CTNNA2: variants seen among roughly 807,000 people sequenced by gnomAD.
CTNNA2 encodes catenin alpha 2, also known as catenin alpha-2.
A neutral mutation model predicts 101.0 loss-of-function variants in CTNNA2; 42 were observed. That is an observed-to-expected ratio of 0.42 (90% CI 0.32 to 0.54). CTNNA2 has a LOEUF of 0.54. CTNNA2 is among the 20% of genes least tolerant of loss of function. CTNNA2 has a pLI of 0.14. For missense variants in CTNNA2, 871 were observed against 1,223.1 expected (o/e 0.71, Z 4.29); for synonymous variants, 450 against 456.4 (o/e 0.99, Z 0.18).
intron 1 of CTNNA2, among the ~76,000 whole-genome samples, chr2:79,642,478 G>A (rs760041937): frequency 3.3e-5 from 5 of 152,162 alleles, no homozygotes; most frequent in Admixed American, 2.0e-4. Context: ...GCTTTGAATG[G>A]TTATTGTGTA....
chr2:79,438,825 T>C (rs1361134070), intron 4 of CTNNA2, among the ~76,000 whole-genome samples: 1 of 152,230 alleles, frequency 6.6e-6, no homozygotes, highest in Non-Finnish European at 1.5e-5. Context: ...AGATGCTCAG[T>C]ATCATTAGTC....
chr2:79,202,920 G>C (rs757384431), intron 2 of CTNNA2, among the ~76,000 whole-genome samples: 30 of 152,152 alleles, frequency 2.0e-4, no homozygotes, highest in Non-Finnish European at 4.0e-4. Flanking sequence ...AAAGAAGAGG[G>C]TCCTGAAGCA....
chr2:79,395,398 C>G (rs1220914671), intron 4 of CTNNA2, among the ~76,000 whole-genome samples: 2 of 151,996 alleles, frequency 1.3e-5, no homozygotes, highest in Non-Finnish European at 2.9e-5. Flanking sequence ...ACCCTCCCCC[C>G]AACCCACAAC....
chr2:79,640,328 T>C (rs1255965307), intron 1 of CTNNA2, among the ~76,000 whole-genome samples: 1 of 152,124 alleles, frequency 6.6e-6, no homozygotes, highest in Non-Finnish European at 1.5e-5. Context: ...GGAGGCATTG[T>C]GGGCTAACCT....
chr2:79,941,034 C>T (rs764055356), intron 7 of CTNNA2, among the ~76,000 whole-genome samples: 11 of 152,202 alleles, frequency 7.2e-5, no homozygotes, highest in Non-Finnish European at 1.5e-4. Flanking sequence ...AAGAAGCCTA[C>T]TGAGGGACTG....
intron 9 of CTNNA2, among the ~76,000 whole-genome samples, chr2:80,509,828 G>T (rs1266529866): frequency 6.6e-6 from 1 of 152,254 alleles, no homozygotes; most frequent in South Asian, 2.1e-4. Flanking sequence ...GGACTGGAAC[G>T]CAGGGCTCCT....
At chr2:79,342,452 C>G (rs1051827687) in intron 3 of CTNNA2, among the ~76,000 whole-genome samples, 10 of 152,126 alleles carry the variant, frequency 6.6e-5, no homozygotes, top group Non-Finnish European at 1.0e-4. Context: ...ATATTTGCCT[C>G]TTGTGTTAAG....
intron 2 of CTNNA2, among the ~76,000 whole-genome samples, chr2:79,219,517 T>C (rs1674314524): frequency 6.6e-6 from 1 of 152,204 alleles, no homozygotes; most frequent in Non-Finnish European, 1.5e-5. Flanking sequence ...ACTACTTTAT[T>C]TGTTAAACTT....
intron 2 of CTNNA2, among the ~76,000 whole-genome samples, chr2:79,226,259 A>T (rs1398937767): frequency 2.6e-5 from 4 of 152,218 alleles, no homozygotes; most frequent in Non-Finnish European, 4.4e-5. Context: ...TCCGTCACAC[A>T]CAACTGAATT....
intron 7 of CTNNA2, among the ~76,000 whole-genome samples, chr2:80,092,363 A>G (rs1286166757): frequency 6.6e-6 from 1 of 152,116 alleles, no homozygotes; most frequent in Non-Finnish European, 1.5e-5. Flanking sequence ...AATGTTCTAA[A>G]TTCAGTAGAA....
At chr2:79,483,468 G>T (rs549631939) in intron 4 of CTNNA2, among the ~76,000 whole-genome samples, 1 of 152,130 alleles carries the variant, frequency 6.6e-6, no homozygotes, top group African/African-American at 2.4e-5. Flanking sequence ...CCATCTGAAG[G>T]TTCAAAAGGG....
intron 2 of CTNNA2, among the ~76,000 whole-genome samples, chr2:79,296,370 A>G (rs1675979948): frequency 1.3e-5 from 2 of 152,184 alleles, no homozygotes; most frequent in Admixed American, 1.3e-4. Context: ...TACATACATT[A>G]TGCTTCAGGA....
Position 80,240,407 on chromosome 2 carries a change from C to T in CTNNA2, c.1057-152804C>T, listed in dbSNP as rs949860917. ...CAACACTCAATCTTTAATGTTTCCA[C>T]GGAAATTGCTTGCTATTCCTGCCTC... is the stretch of plus-strand genomic sequence containing the variant. On this transcript the variant is annotated intron_variant, in intron 7 of 18. Coordinates refer to ENST00000402739, the MANE Select transcript of CTNNA2 (RefSeq NM_001282597.3). Among the ~76,000 whole-genome samples the T allele has an allele frequency of 2.6e-4, 39 of 152,160 alleles. 1 individual carries two copies. Among genetic ancestry groups the T allele is most frequent in the South Asian group, 2.1e-4 (1 of 4,830 alleles).
chr2:80,185,153 C>G (rs940166717), intron 7 of CTNNA2, among the ~76,000 whole-genome samples: 1 of 152,158 alleles, frequency 6.6e-6, no homozygotes, highest in African/African-American at 2.4e-5. Flanking sequence ...AAGCTTCACT[C>G]AGAGAAGATC....
chr2:80,531,433 G>A (rs768309810), intron 9 of CTNNA2, among the ~76,000 whole-genome samples: 2 of 152,188 alleles, frequency 1.3e-5, no homozygotes, highest in Non-Finnish European at 2.9e-5. Context: ...ACAGATGAAA[G>A]GCTGCACAAT....
At chr2:79,201,234 A>C (rs1674031169) in intron 2 of CTNNA2, among the ~76,000 whole-genome samples, 1 of 152,170 alleles carries the variant, frequency 6.6e-6, no homozygotes, top group Admixed American at 6.5e-5. Flanking sequence ...GAAACAAACA[A>C]ACAACAACAA....
chr2:80,600,749 A>G (rs1485201220), intron 15 of CTNNA2, among the ~76,000 whole-genome samples: 2 of 152,138 alleles, frequency 1.3e-5, no homozygotes, highest in African/African-American at 4.8e-5. Context: ...GGCTCAAGCA[A>G]ACCTCTCACA....
intron 7 of CTNNA2, among the ~76,000 whole-genome samples, chr2:80,112,876 C>T (rs150660894): frequency 1.7e-3 from 263 of 152,182 alleles, no homozygotes; most frequent in African/African-American, 6.2e-3. Flanking sequence ...TTTGGATCAC[C>T]TGTTGTTTGG....
chr2:79,898,104 G>C (rs1332367961), intron 6 of CTNNA2, among the ~76,000 whole-genome samples: 3 of 151,780 alleles, frequency 2.0e-5, no homozygotes, highest in Non-Finnish European at 4.4e-5. Context: ...TTTATACCTT[G>C]GTCTTAGATT....
Sources: allele counts gnomAD v4.1 joint callset (sites outside exome capture counted in the v4.1 genomes callset), GRCh38; gene constraint gnomAD v4.1.1; transcripts MANE v1.5; gene names NCBI Gene and HGNC (gene_info 2026-07-23, HGNC 2026-07-21).